The following FARSB variants were observed in gnomAD, a reference collection of about 807,000 sequenced individuals.
FARSB encodes the protein phenylalanyl-tRNA synthetase subunit beta, also known as phenylalanine--tRNA ligase beta subunit.
In FARSB, 40 loss-of-function variants were observed where a neutral mutation model predicts 69.6. That is an observed-to-expected ratio of 0.57 (90% CI 0.45 to 0.75). The LOEUF (loss-of-function observed/expected upper bound fraction) is 0.75. Among genes scored for constraint, FARSB ranks in the 30% least tolerant of loss-of-function variants. The pLI is 0.00. For synonymous variants in FARSB, 235 were observed against 247.2 expected (o/e 0.95, Z 0.46); for missense variants, 632 against 722.9 (o/e 0.87, Z 1.44).
At chr2:222,628,751 G>A (rs773797046) in intron 10 of FARSB, 86 bp downstream of exon 10, 175 of 896,456 alleles carry the variant, frequency 2.0e-4, no homozygotes, top group Non-Finnish European at 2.8e-4. Context: ...GGTAGGGGAT[G>A]GATAGACAGA....
intron 1 of FARSB, 89 bp downstream of exon 1, chr2:222,655,927 A>C (rs574949814): frequency 7.4e-6 from 8 of 1,074,686 alleles, no homozygotes; most frequent in Non-Finnish European, 1.1e-5. Context: ...ACCTTCAGGA[A>C]GGCATGAATG....
chr2:222,581,995 C>T (rs1232330176), intron 16 of FARSB, among the ~76,000 whole-genome samples: 1 of 152,156 alleles, frequency 6.6e-6, no homozygotes, highest in Non-Finnish European at 1.5e-5. Flanking sequence ...AACTAGAAAT[C>T]CTATGGAGGG....
At chr2:222,584,786 C>T (rs9677712) in intron 16 of FARSB, among the ~76,000 whole-genome samples, 22,282 of 152,212 alleles carry the variant, frequency 0.15, 2,560 homozygotes, top group East Asian at 0.56. Flanking sequence ...TGCAGCAAGG[C>T]TGGGGGAGGG....
At chr2:222,653,361 G>A (rs1362312825) in intron 1 of FARSB, among the ~76,000 whole-genome samples, 5 of 151,538 alleles carry the variant, frequency 3.3e-5, no homozygotes, top group African/African-American at 1.2e-4. Context: ...GGACTAAAGA[G>A]AGAGAATGTG....
Position 222,613,947 on chromosome 2 carries a change from A to C in FARSB, c.1345-19T>G, listed in dbSNP as rs761393081. The C allele has an allele frequency of 3.3e-5, 49 of 1,488,970 alleles. No homozygotes were observed. Among genetic ancestry groups the C allele is most frequent in the South Asian group, 3.4e-5 (3 of 88,222 alleles). 92.2% of individuals were successfully genotyped at this position (1,488,970 alleles called of 1,614,324 possible). A position where few individuals can be genotyped will look rare whatever the true frequency, so the allele number is the denominator to read the frequency against. On this transcript the variant is annotated intron_variant, in intron 14 of 16. Transcript: ENST00000281828. ...GTGCCACCTACAGGAAAAGACATGA[A>C]ATTGCACTGACCAAATAGGACCCAA...
Position 222,647,626 on chromosome 2 carries a change from A to G in FARSB, c.114+1114T>C, listed in dbSNP as rs182741190. On this transcript the variant is annotated intron_variant, in intron 2 of 16. Coordinates refer to ENST00000281828, the MANE Select transcript of FARSB (RefSeq NM_005687.5). ...TCAAGAAAGCAGCCTCAGGTCCAAG[A>G]TAAGGACTCCTTCCTGTAATCCCAG... is the stretch of plus-strand genomic sequence containing the variant. Among the ~76,000 whole-genome samples the G allele has an allele frequency of 1.4e-3, 220 of 152,348 alleles. 1 individual carries two copies. The highest frequency in any genetic ancestry group is 0.013 in the Admixed American group (193 of 15,302).
intron 9 of FARSB, among the ~76,000 whole-genome samples, chr2:222,629,648 G>A (rs1445442756): frequency 1.3e-5 from 2 of 152,178 alleles, no homozygotes; most frequent in African/African-American, 4.8e-5. Flanking sequence ...TAATGCTTAT[G>A]ACTTTATCCA....
At chr2:222,625,920 A>G (rs1170847007) in intron 10 of FARSB, among the ~76,000 whole-genome samples, 2 of 152,210 alleles carry the variant, frequency 1.3e-5, no homozygotes, top group Non-Finnish European at 2.9e-5. Flanking sequence ...AGCGTTTGGT[A>G]TATGTATTTA....
intron 8 of FARSB, among the ~76,000 whole-genome samples, chr2:222,630,543 T>C (rs535439153): frequency 3.3e-5 from 5 of 152,344 alleles, no homozygotes; most frequent in South Asian, 4.1e-4. Flanking sequence ...ATTAACAGTA[T>C]GACACTAGGC....
intron 16 of FARSB, among the ~76,000 whole-genome samples, chr2:222,575,977 C>CTT (rs34794440): frequency 2.1e-5 from 3 of 143,142 alleles, no homozygotes; most frequent in Admixed American, 7.0e-5. Flanking sequence ...TTTGCCTCAT[C>CTT]TTTTTTTTTT....
chr2:222,632,840 C>CAAAAAAAAAAAACAAAAAAAAA (rs1691470075), intron 7 of FARSB, among the ~76,000 whole-genome samples: 1 of 123,862 alleles, frequency 8.1e-6, no homozygotes. Flanking sequence ...ACAACAACAA[C>CAAAAAAAAAAAACAAAAAAAAA]AAAAAAAAAA....
chr2:222,631,585 G>C lies in FARSB; in HGVS notation c.786+19C>G, dbSNP rs112408035. The C allele has an allele frequency of 9.1e-5, 121 of 1,334,236 alleles. 1 individual carries two copies. In the African/African-American group the frequency reaches 1.4e-3, roughly 15 times the overall value. 82.6% of individuals were successfully genotyped at this position (1,334,236 alleles called of 1,614,324 possible). A position where few individuals can be genotyped will look rare whatever the true frequency, so the allele number is the denominator to read the frequency against. ...TATCCCAGCTGATCATACAAAAATTGAGTAAAAGTTTTACTTACCTTAGTA... is the reference window on the plus strand; with the variant it reads ...TATCCCAGCTGATCATACAAAAATTCAGTAAAAGTTTTACTTACCTTAGTA... On this transcript the variant is annotated intron_variant, in intron 8 of 16. Coordinates refer to ENST00000281828, the MANE Select transcript of FARSB (RefSeq NM_005687.5).
intron 7 of FARSB, 59 bp downstream of exon 7, chr2:222,633,140 G>T: frequency 1.1e-6 from 1 of 875,384 alleles, no homozygotes; most frequent in South Asian, 1.4e-5. Flanking sequence ...GAATTCTACA[G>T]AAATGCTGAA....
At chr2:222,600,469 G>A (rs1690530926) in intron 15 of FARSB, among the ~76,000 whole-genome samples, 1 of 152,066 alleles carries the variant, frequency 6.6e-6, no homozygotes, top group South Asian at 2.1e-4. Flanking sequence ...GCTTTATGTA[G>A]AAAGACATTT....
intron 2 of FARSB, among the ~76,000 whole-genome samples, chr2:222,647,293 G>T (rs1574955155): frequency 6.6e-6 from 1 of 152,116 alleles, no homozygotes; most frequent in South Asian, 2.1e-4. Context: ...TCTGCTCGGA[G>T]GTCAGCCAGG....
intron 16 of FARSB, among the ~76,000 whole-genome samples, chr2:222,584,197 G>GCT (rs1690044877): frequency 6.6e-6 from 1 of 151,914 alleles, no homozygotes; most frequent in South Asian, 2.1e-4. Context: ...TATCAGATTA[G>GCT]CTCTCAAACA....
intron 16 of FARSB, among the ~76,000 whole-genome samples, chr2:222,576,359 A>G (rs1689838027): frequency 6.6e-6 from 1 of 152,014 alleles, no homozygotes; most frequent in African/African-American, 2.4e-5. Flanking sequence ...AATTTCTGCA[A>G]TAAAGAGATA....
At position 222,600,050 on chromosome 2, in the gene FARSB, G is replaced by A. The variant is rs1454774987; in HGVS notation, c.1496C>T (p.Ala499Val). ...CCCAGGATTCTTGTTGTAATAAACA[G>A]CACAGAGATGTCTGTAGTTTTTTGC... is the stretch of plus-strand genomic sequence containing the variant. ...VGAKNYRHLC[A>V]VYYNKNPGFE... Residue 499 changes from alanine (A) to valine (V), a missense_variant, in exon 16 of 17, where the codon GCT (alanine) becomes GTT (valine). Transcript: ENST00000281828. The A allele has an allele frequency of 1.9e-6, 3 of 1,610,126 alleles. No homozygotes were observed. Among genetic ancestry groups the A allele is most frequent in the Admixed American group, 1.7e-5 (1 of 58,638 alleles).
intron 16 of FARSB, among the ~76,000 whole-genome samples, chr2:222,590,537 C>T (rs1212003988): frequency 7.0e-6 from 1 of 143,220 alleles, no homozygotes; most frequent in Non-Finnish European, 1.5e-5. Flanking sequence ...AGATATCCTA[C>T]CCTTTTAGGC....
Sources: allele counts gnomAD v4.1 joint callset (sites outside exome capture counted in the v4.1 genomes callset), GRCh38; gene constraint gnomAD v4.1.1; transcripts MANE v1.5; gene names NCBI Gene and HGNC (gene_info 2026-07-23, HGNC 2026-07-21).